UTRN: variants seen among roughly 807,000 people sequenced by gnomAD.
The protein encoded by UTRN is dystrophin-related protein 1.
In UTRN, 283 loss-of-function variants were observed where a neutral mutation model predicts 463.9. The ratio of observed to expected loss-of-function variants is 0.61; its 90% CI spans 0.55 to 0.67. UTRN has a LOEUF of 0.67. Among genes scored for constraint, UTRN ranks in the 30% least tolerant of loss-of-function variants. The pLI, the probability that UTRN is intolerant of heterozygous loss-of-function variation, is 0.00. For synonymous variants in UTRN, 1,442 were observed against 1,431.5 expected (o/e 1.01, Z -0.17); for missense variants, 3,922 against 4,084.3 (o/e 0.96, Z 1.08).
intron 52 of UTRN, among the ~76,000 whole-genome samples, chr6:144,694,366 T>A (rs188303304): frequency 2.0e-5 from 3 of 152,110 alleles, no homozygotes; most frequent in Non-Finnish European, 4.4e-5. Flanking sequence ...TGGTTGTGTT[T>A]CTGGCAGGTT....
intron 23 of UTRN, among the ~76,000 whole-genome samples, chr6:144,470,152 T>TC (rs911661812): frequency 3.1e-4 from 47 of 151,848 alleles, no homozygotes; most frequent in Admixed American, 5.3e-4. Context: ...TCCCCACACT[T>TC]CCCCCCCTTC....
intron 74 of UTRN, among the ~76,000 whole-genome samples, chr6:144,849,684 T>C (rs1019198064): frequency 1.3e-5 from 2 of 152,096 alleles, no homozygotes; most frequent in African/African-American, 2.4e-5. Context: ...ACCTGGAGGG[T>C]TGGGCTAATA....
At chr6:144,561,430 A>T (rs1195175102) in intron 50 of UTRN, among the ~76,000 whole-genome samples, 1 of 151,538 alleles carries the variant, frequency 6.6e-6, no homozygotes, top group African/African-American at 2.4e-5. Context: ...ACTCATGTAT[A>T]TACACACATA....
intron 35 of UTRN, 45 bp downstream of exon 35, chr6:144,511,168 C>A: frequency 7.1e-7 from 1 of 1,408,010 alleles, no homozygotes; most frequent in Non-Finnish European, 9.4e-7. Context: ...CTCCTCTCTT[C>A]TAGTTATTTT....
intron 71 of UTRN, among the ~76,000 whole-genome samples, chr6:144,837,597 G>A (rs2128761107): frequency 6.6e-6 from 1 of 152,220 alleles, no homozygotes; most frequent in East Asian, 1.9e-4. Flanking sequence ...TGATATAATA[G>A]GAGTGCCTTT....
chr6:144,334,602 A>G (rs1011488723), intron 2 of UTRN, among the ~76,000 whole-genome samples: 3 of 152,190 alleles, frequency 2.0e-5, no homozygotes, highest in African/African-American at 7.2e-5. Flanking sequence ...GCTATTGAGG[A>G]ACATGTATTT....
chr6:144,316,119 G>A (rs540733146), intron 2 of UTRN, among the ~76,000 whole-genome samples: 1 of 152,328 alleles, frequency 6.6e-6, no homozygotes, highest in African/African-American at 2.4e-5. Flanking sequence ...GGAGGCCGAG[G>A]CAGGAGGATT....
chr6:144,512,170 A>G (rs1271331580), intron 35 of UTRN, among the ~76,000 whole-genome samples: 2 of 152,166 alleles, frequency 1.3e-5, no homozygotes, highest in African/African-American at 2.4e-5. Context: ...TATATACCTA[A>G]CAGAGTTGTT....
At chr6:144,332,095 A>G (rs1424842549) in intron 2 of UTRN, among the ~76,000 whole-genome samples, 2 of 152,114 alleles carry the variant, frequency 1.3e-5, no homozygotes, top group Non-Finnish European at 2.9e-5. Context: ...TCCTTCTGGG[A>G]TTGGGCATTG....
Position 144,479,930 on chromosome 6 carries a change from A to G in UTRN, c.3455A>G (p.Asp1152Gly), listed in dbSNP as rs745685126. 7 of 1,614,066 alleles carry G rather than the reference A, an allele frequency of 4.3e-6. No individual in the cohort carries two copies. In the South Asian group the frequency reaches 7.7e-5, roughly 18 times the overall value. ...GCCGAGGAAGAATATTTGGAGCGGG[A>G]TTTTGAGTACAAGTCACCAGAAGAG... is the stretch of plus-strand genomic sequence containing the variant. Reference protein sequence around the residue: ...TQAEEEYLERDFEYKSPEELE... With the variant: ...TQAEEEYLERGFEYKSPEELE... Residue 1152 changes from aspartate (D) to glycine (G), a missense_variant, in exon 26 of 75, where the codon GAT becomes GGT. Coordinates refer to ENST00000367545, the MANE Select transcript of UTRN (RefSeq NM_007124.3).
chr6:144,474,893 C>G (rs780336394), intron 25 of UTRN, 134 bp downstream of exon 25: 4 of 979,424 alleles, frequency 4.1e-6, no homozygotes, highest in Non-Finnish European at 5.8e-6. Flanking sequence ...GGGTAGTGAG[C>G]TGGGGCCAAA....
In UTRN at chr6:144,824,572, TTATATATATATA is replaced by T. The variant is rs71028314; in HGVS notation, c.9495-2746_9495-2735del. Reference sequence around the variant, plus strand: ...TATATATATTAATATAGCATTTTATTTATATATATATATATATATATATATATATATATATAT... The same window carrying T: ...TATATATATTAATATAGCATTTTATTTATATATATATATATATATATATAT... On this transcript the variant is annotated intron_variant, in intron 66 of 74. Transcript: ENST00000367545. Among the ~76,000 whole-genome samples the T allele has an allele frequency of 3.2e-3, 123 of 37,908 alleles. 1 individual carries two copies. The highest frequency in any genetic ancestry group is 9.6e-3 in the South Asian group (6 of 628). 24.9% of individuals were successfully genotyped at this position (37,908 alleles called of 152,430 possible). A position where few individuals can be genotyped will look rare whatever the true frequency, so the allele number is the denominator to read the frequency against.
chr6:144,454,040 T>C (rs1788581342), intron 19 of UTRN, among the ~76,000 whole-genome samples, 171 bp downstream of exon 19: 1 of 152,228 alleles, frequency 6.6e-6, no homozygotes, highest in Non-Finnish European at 1.5e-5. Flanking sequence ...AATTTTATTC[T>C]GAAGCTGATT....
chr6:144,708,450 G>C, intron 53 of UTRN: 2 of 617,406 alleles, frequency 3.2e-6, no homozygotes, highest in Middle Eastern at 1.0e-3. Flanking sequence ...CTGACTCCTC[G>C]GGCCTCTGAC....
rs1048806338 is a variant in UTRN at position 144,426,431 on chromosome 6, G to A, written c.550G>A (p.Ala184Thr). 3.7e-6 allele frequency: 6 copies of A among 1,613,854 alleles called. No individual in the cohort carries two copies. The highest frequency in any genetic ancestry group is 1.3e-5 in the African/African-American group (1 of 74,868). Residue 184 changes from alanine (A) to threonine (T), a missense_variant, in exon 7 of 75, where the codon GCC becomes ACC. Transcript: ENST00000367545. ...NFTTSWTDGL[A>T]FNAVLHRHKP... ...CACCACCAGCTGGACAGATGGACTC[G>A]CCTTTAATGCTGTCCTCCACCGACA... is the stretch of plus-strand genomic sequence containing the variant.
Position 144,421,892 on chromosome 6 carries a change from C to T in UTRN, c.156C>T (p.Pro52=). The change falls in exon 4 of 75, where the codon CCC becomes CCT. Residue 52 remains proline, a synonymous_variant. Coordinates refer to ENST00000367545, the MANE Select transcript of UTRN (RefSeq NM_007124.3). ...NARFSKSGKP[P]INDMFTDLKD... Reference sequence around the variant, plus strand: ...TTCTTTTACAGAGTGGGAAACCACCCATCAATGATATGTTCACAGACCTCA... The same window carrying T: ...TTCTTTTACAGAGTGGGAAACCACCTATCAATGATATGTTCACAGACCTCA... 6.2e-7 allele frequency: 1 copy of T among 1,611,104 alleles called. No individual in the cohort carries two copies. Among genetic ancestry groups the T allele is most frequent in the Non-Finnish European group, 8.5e-7 (1 of 1,178,694 alleles).
chr6:144,426,656 A>C (rs1271897810), intron 7 of UTRN, among the ~76,000 whole-genome samples, 197 bp downstream of exon 7: 1 of 152,218 alleles, frequency 6.6e-6, no homozygotes, highest in African/African-American at 2.4e-5. Context: ...TTAGGACTTA[A>C]ATGCTGCAAT....
At position 144,806,698 on chromosome 6, in the gene UTRN, A is replaced by G. The variant is rs138316986; in HGVS notation, c.9357+3551A>G. On this transcript the variant is annotated intron_variant, in intron 65 of 74. Transcript: ENST00000367545. ...AATTGTTCTTATATTCATTCCCTTC[A>G]TGTGTAATCTTTGTGCAATAATTAA... Among the ~76,000 whole-genome samples the G allele has an allele frequency of 6.8e-3, 954 of 140,768 alleles. 98 individuals carry two copies. The highest frequency in any genetic ancestry group is 0.023 in the African/African-American group (895 of 38,682). The allele number at this position is 140,768 out of a possible 152,430, so 92.3% of individuals were successfully genotyped here.
intron 53 of UTRN, among the ~76,000 whole-genome samples, chr6:144,717,815 T>A (rs1786673638): frequency 6.6e-6 from 1 of 151,732 alleles, no homozygotes; most frequent in Non-Finnish European, 1.5e-5. Flanking sequence ...TTTGTATTTT[T>A]AGTAGAGACG....
Sources: allele counts gnomAD v4.1 joint callset (sites outside exome capture counted in the v4.1 genomes callset), GRCh38; gene constraint gnomAD v4.1.1; transcripts MANE v1.5; gene names NCBI Gene and HGNC (gene_info 2026-07-23, HGNC 2026-07-21).